The following SHOC2 variants were observed in gnomAD, a reference collection of about 807,000 sequenced individuals.
The protein encoded by SHOC2 is leucine-rich repeat protein SHOC-2.
In SHOC2, 4 loss-of-function variants were observed where a neutral mutation model predicts 50.2. The observed-to-expected ratio is 0.08, with a 90% CI of 0.04 to 0.18. The LOEUF (loss-of-function observed/expected upper bound fraction) is 0.18, where lower values mean the gene tolerates loss of function less well. SHOC2 is among the 10% of genes least tolerant of loss of function. The pLI, the probability that SHOC2 is intolerant of heterozygous loss-of-function variation, is 1.00. For missense variants in SHOC2, 388 were observed against 669.6 expected, an observed-to-expected ratio of 0.58 and a Z score of 4.64; for synonymous variants, 218 against 244.5, an observed-to-expected ratio of 0.89 and a Z score of 1.01.
chr10:110,955,978 T>G (rs887730030), intron 1 of SHOC2, among the ~76,000 whole-genome samples: 1 of 152,096 alleles, frequency 6.6e-6, no homozygotes, highest in African/African-American at 2.4e-5. Flanking sequence ...TATGACAGAG[T>G]TGTAAGTGAT....
At chr10:110,982,836 G>A (rs1423066614) in intron 2 of SHOC2, among the ~76,000 whole-genome samples, 2 of 151,972 alleles carry the variant, frequency 1.3e-5, no homozygotes, top group Non-Finnish European at 2.9e-5. Context: ...TTAATATCAA[G>A]GTAATACCTC....
chr10:110,987,860 A>G (rs893362638), intron 3 of SHOC2, among the ~76,000 whole-genome samples: 20 of 152,308 alleles, frequency 1.3e-4, no homozygotes, highest in African/African-American at 4.6e-4. Flanking sequence ...AAAATTCCAT[A>G]TAACCAAATG....
chr10:110,929,534 C>G (rs1465818292), intron 1 of SHOC2, among the ~76,000 whole-genome samples: 1 of 152,142 alleles, frequency 6.6e-6, no homozygotes, highest in Non-Finnish European at 1.5e-5. Context: ...GCGGCTTAAG[C>G]AACAGTATAT....
At chr10:110,986,783 G>T (rs948699449) in intron 3 of SHOC2, among the ~76,000 whole-genome samples, 3 of 152,126 alleles carry the variant, frequency 2.0e-5, no homozygotes, top group African/African-American at 7.2e-5. Flanking sequence ...GTCCAGTCAT[G>T]AATATTTTAG....
chr10:110,955,771 C>T (rs753060609), intron 1 of SHOC2, among the ~76,000 whole-genome samples: 14 of 152,006 alleles, frequency 9.2e-5, no homozygotes, highest in Non-Finnish European at 2.1e-4. Flanking sequence ...AGTACATTGT[C>T]CTAGAGTAGA....
intron 4 of SHOC2, among the ~76,000 whole-genome samples, chr10:111,003,889 C>T (rs1848423654): frequency 1.3e-5 from 2 of 152,130 alleles, no homozygotes; most frequent in Non-Finnish European, 2.9e-5. Flanking sequence ...CTATGTACTT[C>T]TATAAATAGA....
intron 1 of SHOC2, among the ~76,000 whole-genome samples, chr10:110,924,500 T>G (rs1846717068): frequency 6.6e-6 from 1 of 152,164 alleles, no homozygotes; most frequent in Non-Finnish European, 1.5e-5. Context: ...ACAGTTTGGA[T>G]TCTAGTAATA....
intron 2 of SHOC2, among the ~76,000 whole-genome samples, chr10:110,967,931 T>C (rs1847707960): frequency 6.6e-6 from 1 of 152,204 alleles, no homozygotes; most frequent in Non-Finnish European, 1.5e-5. Flanking sequence ...TTTCTGTATT[T>C]GTGTACAAGT....
intron 3 of SHOC2, among the ~76,000 whole-genome samples, chr10:110,990,696 A>G (rs1191239429): frequency 1.3e-5 from 2 of 151,998 alleles, no homozygotes; most frequent in African/African-American, 2.4e-5. Context: ...GTCCCCTTCC[A>G]CACTGTGGAA....
intron 1 of SHOC2, among the ~76,000 whole-genome samples, chr10:110,934,997 C>A (rs2064848759): frequency 6.6e-6 from 1 of 152,190 alleles, no homozygotes; most frequent in Admixed American, 6.5e-5. Flanking sequence ...ATTCATCCTT[C>A]TGCACATATT....
chr10:110,919,784 C>T, intron 1 of SHOC2, 127 bp downstream of exon 1: 2 of 393,120 alleles, frequency 5.1e-6, no homozygotes, highest in Non-Finnish European at 9.0e-6. Context: ...AGGCGCGAGC[C>T]GGCAGCGCCG....
intron 1 of SHOC2, among the ~76,000 whole-genome samples, chr10:110,956,114 A>G (rs1411561452): frequency 1.3e-5 from 2 of 152,120 alleles, no homozygotes; most frequent in Non-Finnish European, 2.9e-5. Context: ...CACCTGTAAT[A>G]GCTTCCTCTG....
intron 4 of SHOC2, among the ~76,000 whole-genome samples, chr10:111,003,506 T>G (rs1323440002): frequency 1.3e-5 from 2 of 152,218 alleles, no homozygotes; most frequent in African/African-American, 4.8e-5. Context: ...GTTAACTTAT[T>G]TATGTATTTT....
chr10:111,009,813 A>C lies in SHOC2; in HGVS notation c.1523A>C (p.His508Pro). ...GGCCTTGGAGAGAACCTACTTACTC[A>C]CCTTCCTGAAGAAATTGGTATGAAC... ...HLGLGENLLT[H>P]LPEEIGTLEN... Residue 508 changes from histidine (H) to proline (P), a missense_variant, in exon 8 of 9, where the codon CAC becomes CCC. By Grantham distance (77) the His-to-Pro change is moderately conservative. Transcript: ENST00000369452. 6.3e-7 allele frequency: 1 copy of C among 1,599,366 alleles called. No homozygotes were observed. The highest frequency in any genetic ancestry group is 1.1e-5 in the South Asian group (1 of 90,760).
intron 1 of SHOC2, chr10:110,936,589 CTTT>C (rs376101415): frequency 4.5e-4 from 191 of 422,748 alleles, no homozygotes; most frequent in Middle Eastern, 3.0e-3. Context: ...TTTTCTTTTC[CTTT>C]TTTTTTTTTT....
At chr10:110,999,663 G>A (rs1848330863) in intron 3 of SHOC2, among the ~76,000 whole-genome samples, 1 of 144,368 alleles carries the variant, frequency 6.9e-6, no homozygotes, top group African/African-American at 2.5e-5. Flanking sequence ...CTTGAACCTG[G>A]GAGGTGGAGG....
At chr10:110,946,308 G>A (rs1238608892) in intron 1 of SHOC2, among the ~76,000 whole-genome samples, 1 of 150,068 alleles carries the variant, frequency 6.7e-6, no homozygotes, top group African/African-American at 2.5e-5. Context: ...AAAAAATTAT[G>A]TCTAGATACA....
At position 110,960,785 on chromosome 10, in the gene SHOC2, C is replaced by T. The variant is rs537142992; in HGVS notation, c.-234-3340C>T. 7.2e-5 allele frequency among the ~76,000 whole-genome samples: 11 copies of T among 152,264 alleles called. No individual in the cohort carries two copies. In the South Asian group the frequency reaches 2.3e-3, roughly 32 times the overall value. Reference sequence around the variant, plus strand: ...CTGCCTCTTGGGTTCAAGTGACTCTCCTGCTTCAGCCTCCCGACTAGCTGG... The same window carrying T: ...CTGCCTCTTGGGTTCAAGTGACTCTTCTGCTTCAGCCTCCCGACTAGCTGG... On this transcript the variant is annotated intron_variant, in intron 1 of 8. Coordinates refer to ENST00000369452, the MANE Select transcript of SHOC2 (RefSeq NM_007373.4).
chr10:110,932,011 G>A (rs1564702336), intron 1 of SHOC2, among the ~76,000 whole-genome samples: 1 of 152,136 alleles, frequency 6.6e-6, no homozygotes, highest in Admixed American at 6.5e-5. Flanking sequence ...GAGGTGGTAT[G>A]CAGAAAGGCT....
Sources: gnomAD v4.1 joint callset for allele counts (sites outside exome capture counted in the v4.1 genomes callset) on GRCh38, gnomAD v4.1.1 for gene constraint, MANE v1.5 for transcripts, NCBI Gene and HGNC (gene_info 2026-07-23, HGNC 2026-07-21) for gene names.